The following MON2 variants were observed in gnomAD, a reference collection of about 807,000 sequenced individuals.
The protein encoded by MON2 is MON2 regulator of endosome-to-Golgi trafficking, also known as protein MON2 homolog.
MON2 carries 84 observed loss-of-function variants against 208.6 expected under a neutral mutation model. The observed-to-expected ratio is 0.40, with a 90% CI of 0.34 to 0.48. The LOEUF is 0.48. Ranked by LOEUF, MON2 falls within the 20% of genes least tolerant of loss-of-function variation. The pLI, the probability that MON2 is intolerant of heterozygous loss-of-function variation, is 0.59. For synonymous variants in MON2, 660 were observed against 694.0 expected (o/e 0.95, Z 0.77); for missense variants, 1,611 against 2,015.4 (o/e 0.80, Z 3.84).
At chr12:62,535,865 G>T (rs1206698393) in intron 14 of MON2, among the ~76,000 whole-genome samples, 156 bp downstream of exon 14, 2 of 100,514 alleles carry the variant, frequency 2.0e-5, no homozygotes, top group African/African-American at 8.0e-5. Flanking sequence ...AAAAATATGG[G>T]GTGGGGGGTG....
At position 62,470,167 on chromosome 12, in the gene MON2, A is replaced by C. The variant is rs541174064; in HGVS notation, c.111+2849A>C. On this transcript the variant is annotated intron_variant, in intron 1 of 34. Transcript: ENST00000393630. ...GGCAATCTGTCCACCTCCTACTCCC[A>C]AAGTGCTAGGATTATAGGCGTATCC... Among the ~76,000 whole-genome samples the C allele has an allele frequency of 2.0e-5, 3 of 152,252 alleles. No homozygotes were observed. The South Asian group carries it at 6.2e-4, about 32-fold the overall frequency.
chr12:62,500,673 C>A, intron 5 of MON2, 110 bp from the exon 6 acceptor site: 2 of 576,044 alleles, frequency 3.5e-6, no homozygotes, highest in Non-Finnish European at 5.9e-6. Flanking sequence ...GAAATTATAA[C>A]TTCAACTTAT....
chr12:62,548,526 G>T (rs1203801760), intron 22 of MON2, among the ~76,000 whole-genome samples: 3 of 152,106 alleles, frequency 2.0e-5, no homozygotes, highest in African/African-American at 7.2e-5. Flanking sequence ...AGTTGTAGAC[G>T]ACCAAGATGC....
intron 16 of MON2, 108 bp from the exon 17 acceptor site, chr12:62,537,988 C>T: frequency 1.1e-6 from 1 of 951,008 alleles, no homozygotes; most frequent in Non-Finnish European, 1.6e-6. Flanking sequence ...AAACCTACTA[C>T]TGATTTTAAT....
At position 62,537,598 on chromosome 12, in the gene MON2, A is replaced by G. The variant is rs1009629225; in HGVS notation, c.2014-4A>G. 6.3e-6 allele frequency: 10 copies of G among 1,593,112 alleles called. No individual in the cohort carries two copies. Among genetic ancestry groups the G allele is most frequent in the Admixed American group, 1.7e-5 (1 of 57,352 alleles). On this transcript the variant is annotated splice_polypyrimidine_tract_variant and splice_region_variant and intron_variant, in intron 15 of 34. Coordinates refer to ENST00000393630, the MANE Select transcript of MON2 (RefSeq NM_015026.3). The stretch of plus-strand genomic sequence containing the variant: ...ATTGAAAATGTATCCTTTTTAAAAT[A>G]TAGCTGACTTCCAAAAATATCCAGT...
In MON2 at chr12:62,585,125, C is replaced by CA. The variant is rs750233421; in HGVS notation, c.4700-159dup. ...CACACACACACAAAACAAAAAAAAACAAAAAAAAAACACATTTTCACTATA... is the reference window on the plus strand; with the variant it reads ...CACACACACACAAAACAAAAAAAAACAAAAAAAAAAACACATTTTCACTATA... On this transcript the variant is annotated intron_variant, in intron 32 of 34. Coordinates refer to ENST00000393630, the MANE Select transcript of MON2 (RefSeq NM_015026.3). Among the ~76,000 whole-genome samples the CA allele has an allele frequency of 1.5e-3, 97 of 64,302 alleles. 1 individual carries two copies. The highest frequency in any genetic ancestry group is 7.9e-3 in the Middle Eastern group (1 of 126). The allele number at this position is 64,302 out of a possible 152,430, so 42.2% of individuals were successfully genotyped here.
At chr12:62,534,032 C>T (rs532297906) in intron 12 of MON2, among the ~76,000 whole-genome samples, 1 of 152,286 alleles carries the variant, frequency 6.6e-6, no homozygotes, top group South Asian at 2.1e-4. Context: ...TTACACTGCG[C>T]CCTGCCCTCA....
At chr12:62,543,858 C>T (rs2073356743) in intron 20 of MON2, among the ~76,000 whole-genome samples, 1 of 152,130 alleles carries the variant, frequency 6.6e-6, no homozygotes, top group Admixed American at 6.6e-5. Flanking sequence ...ATCCACCTGC[C>T]TTGGTCTCCC....
chr12:62,580,558 A>G (rs2074967330), intron 32 of MON2, 138 bp downstream of exon 32: 1 of 652,548 alleles, frequency 1.5e-6, no homozygotes. Flanking sequence ...ATATAGAACT[A>G]AGCTTTATGA....
intron 25 of MON2, among the ~76,000 whole-genome samples, chr12:62,556,448 A>G (rs969677772): frequency 6.6e-6 from 1 of 152,178 alleles, no homozygotes; most frequent in South Asian, 2.1e-4. Context: ...CGAAATTTCT[A>G]CAATGATGTG....
chr12:62,557,211 A>G (rs2074000946), intron 25 of MON2, among the ~76,000 whole-genome samples: 1 of 152,248 alleles, frequency 6.6e-6, no homozygotes, highest in Admixed American at 6.5e-5. Context: ...CTTAGTGTAT[A>G]TGTAGAATGG....
chr12:62,584,280 A>G (rs1017412997), intron 32 of MON2, among the ~76,000 whole-genome samples: 1 of 152,190 alleles, frequency 6.6e-6, no homozygotes, highest in Admixed American at 6.5e-5. Flanking sequence ...TGCAGGGTAC[A>G]TTTTTGAGTA....
intron 1 of MON2, among the ~76,000 whole-genome samples, chr12:62,475,021 T>G (rs1388311872): frequency 6.6e-6 from 1 of 152,206 alleles, no homozygotes; most frequent in Non-Finnish European, 1.5e-5. Context: ...TCATTCTGTA[T>G]GTCACCCATG....
rs2075187486 is a variant in MON2, at chr12:62,585,376, A to G, written c.4782A>G (p.Lys1594=). The G allele has an allele frequency of 6.2e-7, 1 of 1,613,804 alleles. No individual in the cohort carries two copies. The highest frequency in any genetic ancestry group is 8.5e-7 in the Non-Finnish European group (1 of 1,179,828). ...ETLLQFSFSN[K]VTTPQEGYIS... is the part of the protein sequence containing the mutation. ...TACTCCAGTTTTCCTTCAGTAATAA[A>G]GTCACAACACCTCAAGAAGGCTACA... Residue 1594 remains lysine, a synonymous_variant, in exon 33 of 35, where the codon AAA becomes AAG. Coordinates refer to ENST00000393630, the MANE Select transcript of MON2 (RefSeq NM_015026.3).
At chr12:62,579,559 T>TAAAA (rs1475755677) in intron 31 of MON2, among the ~76,000 whole-genome samples, 9 of 137,254 alleles carry the variant, frequency 6.6e-5, no homozygotes, top group Admixed American at 1.5e-4. Context: ...CCGTCTCTAC[T>TAAAA]AAAAAAAAAA....
chr12:62,585,101 ACACACACAC>A lies in MON2; in HGVS notation c.4700-192_4700-184del, dbSNP rs1565714701. 1.0e-3 allele frequency among the ~76,000 whole-genome samples: 69 copies of A among 66,628 alleles called. 2 individuals carry two copies. The highest frequency in any genetic ancestry group is 2.3e-3 in the African/African-American group (31 of 13,342). 43.7% of individuals were successfully genotyped at this position (66,628 alleles called of 152,430 possible). A position where few individuals can be genotyped will look rare whatever the true frequency, so the allele number is the denominator to read the frequency against. On this transcript the variant is annotated intron_variant, in intron 32 of 34. Coordinates refer to ENST00000393630, the MANE Select transcript of MON2 (RefSeq NM_015026.3). Reference sequence around the variant, plus strand: ...CACACACACACACACACACACACACACACACACACAAAACAAAAAAAAACAAAAAAAAAA... The same window carrying A: ...CACACACACACACACACACACACACAAAAACAAAAAAAAACAAAAAAAAAA...
chr12:62,479,252 G>C (rs928685267), intron 1 of MON2, among the ~76,000 whole-genome samples: 2 of 152,030 alleles, frequency 1.3e-5, no homozygotes, highest in East Asian at 1.9e-4. Context: ...AGAACCCCAG[G>C]GAATACCAAA....
At chr12:62,552,146 A>G (rs1340642165) in intron 23 of MON2, among the ~76,000 whole-genome samples, 1 of 151,972 alleles carries the variant, frequency 6.6e-6, no homozygotes, top group Non-Finnish European at 1.5e-5. Flanking sequence ...CAAATACTAC[A>G]CCATTTTATA....
intron 14 of MON2, among the ~76,000 whole-genome samples, chr12:62,536,381 C>T (rs1202756481): frequency 6.6e-6 from 1 of 151,880 alleles, no homozygotes; most frequent in Non-Finnish European, 1.5e-5. Context: ...TTTGTTTATA[C>T]TTTTTTAATG....
Sources: gnomAD v4.1 joint callset for allele counts (sites outside exome capture counted in the v4.1 genomes callset) on GRCh38, gnomAD v4.1.1 for gene constraint, MANE v1.5 for transcripts, NCBI Gene and HGNC (gene_info 2026-07-23, HGNC 2026-07-21) for gene names.